SPHKAP: variants seen among roughly 807,000 people sequenced by gnomAD.
SPHKAP encodes the protein A-kinase anchor protein SPHKAP.
A neutral mutation model predicts 137.5 loss-of-function variants in SPHKAP; 67 were observed. That is an observed-to-expected ratio of 0.49 (90% confidence interval 0.40 to 0.60). The LOEUF (loss-of-function observed/expected upper bound fraction) is 0.60, where lower values mean the gene tolerates loss of function less well. Ranked by LOEUF, SPHKAP falls within the 20% of genes least tolerant of loss-of-function variation. SPHKAP has a pLI of 0.00. For missense variants in SPHKAP, 2,097 were observed against 2,069.3 expected, an observed-to-expected ratio of 1.01 and a Z score of -0.26; for synonymous variants, 813 against 785.3, an observed-to-expected ratio of 1.04 and a Z score of -0.59.
At chr2:228,068,894 C>T (rs755653672) in intron 3 of SPHKAP, among the ~76,000 whole-genome samples, 1 of 152,164 alleles carries the variant, frequency 6.6e-6, no homozygotes, top group East Asian at 1.9e-4. Flanking sequence ...GATTCACTTT[C>T]GAGTGGTGAG....
At chr2:228,119,308 C>T (rs1698830649) in intron 2 of SPHKAP, among the ~76,000 whole-genome samples, 1 of 152,142 alleles carries the variant, frequency 6.6e-6, no homozygotes, top group Non-Finnish European at 1.5e-5. Flanking sequence ...ACATTCATTG[C>T]TGAGCTGGGC....
intron 11 of SPHKAP, among the ~76,000 whole-genome samples, chr2:227,988,071 C>T (rs1162641055): frequency 6.6e-6 from 1 of 152,166 alleles, no homozygotes; most frequent in African/African-American, 2.4e-5. Flanking sequence ...CTTTCGTACA[C>T]CACTTGAAAA....
intron 7 of SPHKAP, among the ~76,000 whole-genome samples, chr2:227,999,231 T>A (rs183543604): frequency 1.3e-5 from 2 of 152,308 alleles, no homozygotes; most frequent in Non-Finnish European, 2.9e-5. Flanking sequence ...GAGGTGTGGT[T>A]ATTTCCAGTA....
Position 228,018,030 on chromosome 2 carries a change from T to A in SPHKAP, c.2824A>T (p.Thr942Ser). 6.2e-7 allele frequency: 1 copy of A among 1,614,158 alleles called. No individual in the cohort carries two copies. The highest frequency in any genetic ancestry group is 8.5e-7 in the Non-Finnish European group (1 of 1,180,026). ...TCAAGGCAAATCGCTGCAATTTCAG[T>A]TGCCATGGAGACGACCGTGTCTGCT... ...ELADTVVSMATEIAAICLDNS... is the reference protein window; with the variant it reads ...ELADTVVSMASEIAAICLDNS... The change falls in exon 7 of 12, where the codon ACT becomes TCT. Residue 942 changes from threonine to serine, a missense_variant. Coordinates refer to ENST00000392056, the MANE Select transcript of SPHKAP (RefSeq NM_001142644.2).
At chr2:228,113,263 G>A (rs917668913) in intron 2 of SPHKAP, among the ~76,000 whole-genome samples, 1 of 151,942 alleles carries the variant, frequency 6.6e-6, no homozygotes, top group African/African-American at 2.4e-5. Context: ...TGACCAAATA[G>A]TAGTACATTT....
In SPHKAP at chr2:227,995,570, T is replaced by C. The variant is rs2106168322; in HGVS notation, c.4573A>G (p.Asn1525Asp). The C allele has an allele frequency of 1.9e-6, 3 of 1,614,114 alleles. No homozygotes were observed. In the East Asian group the frequency reaches 6.7e-5, roughly 36 times the overall value. Residue 1525 changes from asparagine (N) to aspartate (D), a missense_variant, in exon 8 of 12, where the codon AAT becomes GAT. By Grantham distance (23) the Asn-to-Asp change is conservative. Coordinates refer to ENST00000392056, the MANE Select transcript of SPHKAP (RefSeq NM_001142644.2). ...GTGTCATCTGGGTTGTCTTCCTCAT[T>C]GGCAAGCTGGGTCCAGCTGCCTGTG... ...ESTGSWTQLA[N>D]EEDNPDDTSS...
At chr2:227,983,687 A>G (rs1411302075) in intron 11 of SPHKAP, among the ~76,000 whole-genome samples, 1 of 152,224 alleles carries the variant, frequency 6.6e-6, no homozygotes, top group Non-Finnish European at 1.5e-5. Context: ...CTAAGTATTC[A>G]TTCTTGAGTT....
chr2:228,167,948 T>A (rs1700467782), intron 1 of SPHKAP, among the ~76,000 whole-genome samples: 1 of 152,128 alleles, frequency 6.6e-6, no homozygotes, highest in Non-Finnish European at 1.5e-5. Context: ...AAAGACATGC[T>A]CATACATGAA....
At chr2:228,148,407 G>T (rs569168192) in intron 1 of SPHKAP, among the ~76,000 whole-genome samples, 2 of 152,192 alleles carry the variant, frequency 1.3e-5, no homozygotes, top group Non-Finnish European at 2.9e-5. Flanking sequence ...AGTCATCTAA[G>T]ATAGAAGAAG....
chr2:228,030,888 G>A (rs1695284029), intron 3 of SPHKAP, among the ~76,000 whole-genome samples: 2 of 152,122 alleles, frequency 1.3e-5, no homozygotes, highest in Admixed American at 1.3e-4. Context: ...TTGAAAATAT[G>A]TTTTACGAGG....
chr2:228,053,738 A>T (rs1696340121), intron 3 of SPHKAP, among the ~76,000 whole-genome samples: 1 of 152,184 alleles, frequency 6.6e-6, no homozygotes, highest in African/African-American at 2.4e-5. Flanking sequence ...GGATTTTTAG[A>T]TGTGAAATGA....
chr2:228,180,574 G>A (rs1482679231), intron 1 of SPHKAP, among the ~76,000 whole-genome samples: 6 of 152,138 alleles, frequency 3.9e-5, no homozygotes, highest in East Asian at 1.9e-4. Flanking sequence ...GGGATGGCAC[G>A]AAGAGCCACG....
intron 3 of SPHKAP, among the ~76,000 whole-genome samples, chr2:228,102,745 G>GT (rs1559174548): frequency 8.2e-5 from 12 of 146,340 alleles, no homozygotes; most frequent in Non-Finnish European, 1.6e-4. Flanking sequence ...AATTTTTTTT[G>GT]TTGTTTGTTT....
chr2:228,110,646 T>C (rs1375991905), intron 2 of SPHKAP, among the ~76,000 whole-genome samples: 3 of 152,194 alleles, frequency 2.0e-5, no homozygotes, highest in African/African-American at 7.2e-5. Flanking sequence ...CTTTTTGCTC[T>C]TGTTGTCTCA....
chr2:228,097,347 A>G (rs57638403), intron 3 of SPHKAP, among the ~76,000 whole-genome samples: 47,875 of 152,074 alleles, frequency 0.31, 7,780 homozygotes, highest in Admixed American at 0.4. Flanking sequence ...TCATCTAATT[A>G]TATTTCTAGC....
intron 1 of SPHKAP, among the ~76,000 whole-genome samples, chr2:228,164,294 G>A (rs1700358338): frequency 6.6e-6 from 1 of 152,142 alleles, no homozygotes; most frequent in Non-Finnish European, 1.5e-5. Flanking sequence ...GAGACTTTCA[G>A]ACTTTGACTG....
Position 227,981,706 on chromosome 2 carries a change from A to G in SPHKAP, c.*11T>C, listed in dbSNP as rs1692999138. The G allele has an allele frequency of 4.3e-6, 7 of 1,611,802 alleles. No individual in the cohort carries two copies. The highest frequency in any genetic ancestry group is 5.9e-6 in the Non-Finnish European group (7 of 1,178,964). Reference sequence around the variant, plus strand: ...AAAGGGAAGGAATGATCTATACGGCAGACTGCCTTATTATCCCAGTTCCAA... The same window carrying G: ...AAAGGGAAGGAATGATCTATACGGCGGACTGCCTTATTATCCCAGTTCCAA... On this transcript the variant is annotated 3_prime_UTR_variant, in exon 12 of 12. Transcript: ENST00000392056.
chr2:228,180,051 G>A (rs1404695568), intron 1 of SPHKAP, among the ~76,000 whole-genome samples: 1 of 152,134 alleles, frequency 6.6e-6, no homozygotes, highest in Non-Finnish European at 1.5e-5. Context: ...ACACCTTAAT[G>A]CCTTTGCGTA....
chr2:228,018,672 C>G lies in SPHKAP; in HGVS notation c.2182G>C (p.Val728Leu). Reference protein sequence around the residue: ...CFTFKKMSHIVRLGECPAVLS... With the variant: ...CFTFKKMSHILRLGECPAVLS... ...ACAGCAGGACATTCACCAAGCCGTA[C>G]AATATGACTCATCTTCTTGAACGTG... The change falls in exon 7 of 12, where the codon GTA (valine) becomes CTA (leucine). Residue 728 changes from valine to leucine, a missense_variant. Coordinates refer to ENST00000392056, the MANE Select transcript of SPHKAP (RefSeq NM_001142644.2). The G allele has an allele frequency of 1.2e-6, 2 of 1,614,166 alleles. No homozygotes were observed.
Sources: allele counts gnomAD v4.1 joint callset (sites outside exome capture counted in the v4.1 genomes callset), GRCh38; gene constraint gnomAD v4.1.1; transcripts MANE v1.5; gene names NCBI Gene and HGNC (gene_info 2026-07-23, HGNC 2026-07-21).